The following PPARGC1A variants were observed in gnomAD, a reference collection of about 807,000 sequenced individuals.
The protein encoded by PPARGC1A is peroxisome proliferator-activated receptor gamma coactivator 1-alpha.
A neutral mutation model predicts 88.7 loss-of-function variants in PPARGC1A; 25 were observed. The observed-to-expected ratio is 0.28, with a 90% CI of 0.21 to 0.39. The LOEUF is 0.39. Among genes scored for constraint, PPARGC1A ranks in the 10% least tolerant of loss-of-function variants. The pLI, the probability that PPARGC1A is intolerant of heterozygous loss-of-function variation, is 1.00. For missense variants in PPARGC1A, 880 were observed against 968.7 expected, an observed-to-expected ratio of 0.91 and a Z score of 1.22; for synonymous variants, 363 against 355.6, an observed-to-expected ratio of 1.02 and a Z score of -0.24.
chr4:24,130,918 C>T, the PPARGC1A span, among the ~76,000 whole-genome samples: 2 of 152,138 alleles, frequency 1.3e-5, no homozygotes, highest in Non-Finnish European at 1.5e-5. Flanking sequence ...TGCACTGTCC[C>T]CTCATCCTAG....
At chr4:24,014,394 T>C in the PPARGC1A span, among the ~76,000 whole-genome samples, 1 of 152,354 alleles carries the variant, frequency 6.6e-6, no homozygotes, top group Admixed American at 6.5e-5. Flanking sequence ...TTTTGATGTT[T>C]GTATTCATTT....
chr4:24,015,313 G>A, the PPARGC1A span, among the ~76,000 whole-genome samples: 1 of 152,062 alleles, frequency 6.6e-6, no homozygotes, highest in Non-Finnish European at 1.5e-5. Flanking sequence ...TTTCATAAAC[G>A]AGGTCTCTAA....
the PPARGC1A span, among the ~76,000 whole-genome samples, chr4:24,238,218 T>C: frequency 4.6e-5 from 7 of 152,224 alleles, no homozygotes; most frequent in Non-Finnish European, 1.0e-4. Context: ...ACACACAGTA[T>C]CACCCTCTCA....
At chr4:24,365,639 AG>A in the PPARGC1A span, among the ~76,000 whole-genome samples, 1 of 152,220 alleles carries the variant, frequency 6.6e-6, no homozygotes, top group African/African-American at 2.4e-5. Context: ...TATTGTTATT[AG>A]ATTATTAAAT....
the PPARGC1A span, among the ~76,000 whole-genome samples, chr4:24,196,919 A>G: frequency 3.9e-5 from 6 of 152,186 alleles, no homozygotes; most frequent in African/African-American, 7.2e-5. Context: ...CTATAAATAG[A>G]TGACTTCTGG....
the PPARGC1A span, among the ~76,000 whole-genome samples, chr4:23,924,423 C>T: frequency 1.4e-4 from 22 of 152,160 alleles, no homozygotes; most frequent in East Asian, 7.8e-4. Flanking sequence ...GTCAAGAGAT[C>T]GAGACCATCC....
At chr4:24,453,961 A>C in the PPARGC1A span, among the ~76,000 whole-genome samples, 3 of 152,076 alleles carry the variant, frequency 2.0e-5, no homozygotes, top group African/African-American at 7.2e-5. Context: ...CCAATAGAAC[A>C]AAATAGAAGT....
At chr4:24,011,230 C>A in the PPARGC1A span, among the ~76,000 whole-genome samples, 4 of 151,664 alleles carry the variant, frequency 2.6e-5, no homozygotes, top group Non-Finnish European at 5.9e-5. Context: ...ACTTTCTGTC[C>A]CTTCTCTCTG....
the PPARGC1A span, among the ~76,000 whole-genome samples, chr4:24,295,795 G>T: frequency 6.6e-6 from 1 of 150,624 alleles, no homozygotes; most frequent in Non-Finnish European, 1.5e-5. Context: ...TACCTATGAT[G>T]CATCCTTTAA....
chr4:23,963,668 G>A, the PPARGC1A span, among the ~76,000 whole-genome samples: 1 of 152,130 alleles, frequency 6.6e-6, no homozygotes, highest in East Asian at 1.9e-4. Context: ...AAGTCAGTAT[G>A]TTTCCCTTCA....
chr4:24,024,283 C>T, the PPARGC1A span, among the ~76,000 whole-genome samples: 7 of 152,174 alleles, frequency 4.6e-5, no homozygotes, highest in African/African-American at 1.2e-4. Context: ...ACTTCACAGA[C>T]GTAGAAACTG....
the PPARGC1A span, among the ~76,000 whole-genome samples, chr4:23,963,810 C>T: frequency 0.14 from 21,982 of 152,068 alleles, 1,698 homozygotes; most frequent in South Asian, 0.19. Flanking sequence ...GAAAGCTGGC[C>T]AAAGGAATGG....
chr4:24,458,074 C>T, the PPARGC1A span, among the ~76,000 whole-genome samples: 1 of 152,218 alleles, frequency 6.6e-6, no homozygotes, highest in Admixed American at 6.5e-5. Flanking sequence ...CCTTGACCAA[C>T]ATTTGGTTCT....
At chr4:24,141,865 G>A in the PPARGC1A span, among the ~76,000 whole-genome samples, 1 of 152,112 alleles carries the variant, frequency 6.6e-6, no homozygotes, top group African/African-American at 2.4e-5. Flanking sequence ...ATCTCTGCAG[G>A]TTGATAGGTT....
chr4:24,312,862 A>G, the PPARGC1A span, among the ~76,000 whole-genome samples: 3 of 152,300 alleles, frequency 2.0e-5, 1 homozygote, highest in African/African-American at 7.2e-5. Context: ...AAGATTTCAA[A>G]TTTTAAGTCT....
At chr4:23,850,421 G>T (rs1729080118) in intron 2 of PPARGC1A, among the ~76,000 whole-genome samples, 1 of 152,148 alleles carries the variant, frequency 6.6e-6, no homozygotes, top group African/African-American at 2.4e-5. Flanking sequence ...ATCTACCAGG[G>T]AACTAAAAGT....
intron 2 of PPARGC1A, among the ~76,000 whole-genome samples, chr4:23,834,397 G>A (rs1005165845): frequency 6.6e-6 from 1 of 151,822 alleles, no homozygotes; most frequent in African/African-American, 2.4e-5. Flanking sequence ...GCTGAGGCAA[G>A]AAAATTGCTT....
At chr4:24,068,826 T>A in the PPARGC1A span, among the ~76,000 whole-genome samples, 1 of 152,186 alleles carries the variant, frequency 6.6e-6, no homozygotes. Context: ...TACTTCATCA[T>A]GAGAGAGTTC....
At chr4:24,211,546 G>C in the PPARGC1A span, among the ~76,000 whole-genome samples, 4 of 152,148 alleles carry the variant, frequency 2.6e-5, no homozygotes, top group Non-Finnish European at 5.9e-5. Context: ...TGCATGGCTA[G>C]TATATCTAAG....
Sources: gnomAD v4.1 joint callset for allele counts (sites outside exome capture counted in the v4.1 genomes callset) on GRCh38, gnomAD v4.1.1 for gene constraint, MANE v1.5 for transcripts, NCBI Gene and HGNC (gene_info 2026-07-23, HGNC 2026-07-21) for gene names.